Variants in XPO1 observed in about 807,000 individuals in gnomAD.
XPO1 encodes exportin 1.
XPO1 carries 5 observed loss-of-function variants against 133.3 expected under a neutral mutation model. The observed-to-expected ratio is 0.04, with a 90% CI of 0.02 to 0.08. The LOEUF (loss-of-function observed/expected upper bound fraction) is 0.08, where lower values mean the gene tolerates loss of function less well. Among genes scored for constraint, XPO1 ranks in the 10% least tolerant of loss-of-function variants. The probability of loss-of-function intolerance (pLI) is 1.00; values close to 1 mark genes in which losing one functional copy is unlikely to be tolerated. For synonymous variants in XPO1, 419 were observed against 408.2 expected, an observed-to-expected ratio of 1.03 and a Z score of -0.32; for missense variants, 506 against 1,267.5, an observed-to-expected ratio of 0.40 and a Z score of 9.12.
At chr2:61,515,937 C>CACA (rs1553412670) in intron 4 of XPO1, among the ~76,000 whole-genome samples, 57 of 110,762 alleles carry the variant, frequency 5.1e-4, no homozygotes, top group Non-Finnish European at 6.9e-4. Context: ...AAAAAAAAAA[C>CACA]CACACACACA....
At chr2:61,511,303 T>C (rs566963888) in intron 4 of XPO1, among the ~76,000 whole-genome samples, 125 of 152,242 alleles carry the variant, frequency 8.2e-4, no homozygotes, top group African/African-American at 2.9e-3. Context: ...TTTTTGTTAT[T>C]TTTAGTAGAG....
At chr2:61,490,151 AGTGCT>A (rs1696904066) in intron 17 of XPO1, among the ~76,000 whole-genome samples, 1 of 150,962 alleles carries the variant, frequency 6.6e-6, no homozygotes, top group Non-Finnish European at 1.5e-5. Flanking sequence ...GGTCTCCCAA[AGTGCT>A]GGGATTACAG....
At position 61,502,719 on chromosome 2, in the gene XPO1, C is replaced by T. The variant is rs139743076; in HGVS notation, c.302-409G>A. ...AGTGAGCAGACATCACGTCATTGCA[C>T]TCCAGCCTGGGCAACAGAGCAAGAC... On this transcript the variant is annotated intron_variant, in intron 4 of 24. Coordinates refer to ENST00000401558, the MANE Select transcript of XPO1 (RefSeq NM_003400.4). The T allele has an allele frequency of 9.5e-3, 1,523 of 160,932 alleles. 23 individuals are homozygous for T. The highest frequency in any genetic ancestry group is 0.035 in the African/African-American group (1,427 of 41,096). 10.0% of individuals were successfully genotyped at this position (160,932 alleles called of 1,614,324 possible).
intron 4 of XPO1, among the ~76,000 whole-genome samples, chr2:61,520,193 G>A (rs763953427): frequency 2.6e-5 from 4 of 152,128 alleles, no homozygotes; most frequent in Non-Finnish European, 5.9e-5. Flanking sequence ...TAAAAGACAG[G>A]ACACTTACAG....
intron 4 of XPO1, among the ~76,000 whole-genome samples, chr2:61,513,224 A>C (rs1698181519): frequency 6.6e-6 from 1 of 152,136 alleles, no homozygotes; most frequent in Non-Finnish European, 1.5e-5. Context: ...ACGCCTGGCT[A>C]ATTTGTTTGT....
intron 2 of XPO1, among the ~76,000 whole-genome samples, chr2:61,529,192 C>T (rs1455640552): frequency 2.0e-5 from 3 of 152,112 alleles, no homozygotes; most frequent in Non-Finnish European, 4.4e-5. Context: ...AGTTTGATGA[C>T]TTTAAAATCT....
At chr2:61,511,126 C>G (rs1698076142) in intron 4 of XPO1, among the ~76,000 whole-genome samples, 1 of 151,914 alleles carries the variant, frequency 6.6e-6, no homozygotes, top group Non-Finnish European at 1.5e-5. Flanking sequence ...ATACTGCTTT[C>G]TTTTCTTTAT....
chr2:61,483,887 T>C (rs1558628888), intron 21 of XPO1, 50 bp downstream of exon 21: 1 of 1,577,490 alleles, frequency 6.3e-7, no homozygotes, highest in African/African-American at 1.4e-5. Context: ...TAACTATATT[T>C]GTATTTTTGG....
intron 2 of XPO1, among the ~76,000 whole-genome samples, chr2:61,532,329 G>A (rs1488669825): frequency 2.6e-5 from 4 of 151,766 alleles, no homozygotes; most frequent in Non-Finnish European, 4.4e-5. Flanking sequence ...GGGTTTCACC[G>A]TGTTAGCCAG....
chr2:61,479,021 A>C, intron 24 of XPO1, 55 bp from the exon 25 acceptor site: 1 of 1,575,262 alleles, frequency 6.3e-7, no homozygotes, highest in Admixed American at 1.9e-5. Context: ...TTGCAAAGAA[A>C]GAAATCATAG....
intron 24 of XPO1, chr2:61,480,458 T>G (rs1188290274): frequency 1.3e-5 from 2 of 151,778 alleles, no homozygotes; most frequent in Non-Finnish European, 2.9e-5. Context: ...TTTTGTATTA[T>G]TAGTAGAGAC....
intron 20 of XPO1, chr2:61,485,151 A>G (rs1403328511): frequency 6.6e-6 from 1 of 152,230 alleles, no homozygotes; most frequent in Non-Finnish European, 1.5e-5. Context: ...AAGTGCTGGG[A>G]TTACAGGTGT....
chr2:61,487,480 A>T (rs1696751814), intron 19 of XPO1, among the ~76,000 whole-genome samples: 1 of 152,120 alleles, frequency 6.6e-6, no homozygotes. Context: ...TATTTCCTTA[A>T]CAAGAAACAA....
rs1057520010 is a variant in XPO1, at chr2:61,492,336, T to A, written c.1712A>T (p.Glu571Val). Residue 571 changes from glutamate (E) to valine (V), a missense_variant, in exon 15 of 25, where the codon GAA (glutamate) becomes GTA (valine). This residue lies in a region of XPO1 where 21 missense variants were observed against 198.1 expected (regional missense o/e 0.11). Transcript: ENST00000401558. This position sits in a 1 kb window ranked among gnomAD's most constrained non-coding sequence, Gnocchi z 5.6. ...FLKTVVNKLFEFMHETHDGVQ... is the reference protein window; with the variant it reads ...FLKTVVNKLFVFMHETHDGVQ... ...AGAAAGAGATTTACCATGCATGAATTCGAACAGCTTGTTAACTACAGTCTT... is the reference window on the plus strand; with the variant it reads ...AGAAAGAGATTTACCATGCATGAATACGAACAGCTTGTTAACTACAGTCTT... 1 of 1,592,076 alleles carries A rather than the reference T, an allele frequency of 6.3e-7. No individual in the cohort carries two copies. The highest frequency in any genetic ancestry group is 8.5e-7 in the Non-Finnish European group (1 of 1,174,660).
rs142405445 is a variant in XPO1 at position 61,522,222 on chromosome 2, A to G, written c.301+389T>C. On this transcript the variant is annotated intron_variant, in intron 4 of 24. Transcript: ENST00000401558. ...CAGACATGAACCACCATACCCAGCTAATTTTTTAAATTTTTGTCCAGATGA... is the reference window on the plus strand; with the variant it reads ...CAGACATGAACCACCATACCCAGCTGATTTTTTAAATTTTTGTCCAGATGA... Among the ~76,000 whole-genome samples the G allele has an allele frequency of 4.8e-3, 727 of 152,190 alleles. 5 individuals carry two copies. The highest frequency in any genetic ancestry group is 6.9e-3 in the Admixed American group (106 of 15,260).
At chr2:61,510,333 T>C (rs562203158) in intron 4 of XPO1, among the ~76,000 whole-genome samples, 4 of 152,262 alleles carry the variant, frequency 2.6e-5, no homozygotes, top group South Asian at 4.1e-4. Context: ...GTCAATAAAA[T>C]AGTGATCTGC....
chr2:61,491,912 A>C, intron 16 of XPO1, 123 bp downstream of exon 16: 1 of 1,252,888 alleles, frequency 8.0e-7, no homozygotes, highest in Non-Finnish European at 1.1e-6. Flanking sequence ...GGAAAAAAGA[A>C]AGAAAATTTA....
chr2:61,526,075 A>G, intron 3 of XPO1: 1 of 1,124,746 alleles, frequency 8.9e-7, no homozygotes, highest in African/African-American at 1.6e-5. Flanking sequence ...GGCCTGTATT[A>G]TATTGATTAC....
chr2:61,538,453 C>T (rs1257333047), upstream of XPO1: 1 of 152,898 alleles, frequency 6.5e-6, no homozygotes, highest in African/African-American at 2.4e-5. Flanking sequence ...GTCAATCCCG[C>T]CTCACGGCTC....
Sources: gnomAD v4.1 joint callset for allele counts (sites outside exome capture counted in the v4.1 genomes callset) on GRCh38, gnomAD v4.1.1 for gene constraint, gnomAD v4.1.1 regional missense constraint, Gnocchi (gnomAD v3.1) non-coding constraint, MANE v1.5 for transcripts, NCBI Gene and HGNC (gene_info 2026-07-23, HGNC 2026-07-21) for gene names.